CCDC93: variants seen among roughly 807,000 people sequenced by gnomAD.
CCDC93 encodes CCC complex scaffolding subunit CCDC93.
A neutral mutation model predicts 108.2 loss-of-function variants in CCDC93; 61 were observed. That is an observed-to-expected ratio of 0.56 (90% CI 0.46 to 0.70). The LOEUF is 0.70. Ranked by LOEUF, CCDC93 falls within the 30% of genes least tolerant of loss-of-function variation. The pLI, the probability that CCDC93 is intolerant of heterozygous loss-of-function variation, is 0.00. For synonymous variants in CCDC93, 276 were observed against 260.4 expected, an observed-to-expected ratio of 1.06 and a Z score of -0.58; for missense variants, 685 against 764.2, an observed-to-expected ratio of 0.90 and a Z score of 1.22.
At chr2:117,967,961 T>TAATG (rs1679642032) in intron 11 of CCDC93, among the ~76,000 whole-genome samples, 1 of 152,172 alleles carries the variant, frequency 6.6e-6, no homozygotes, top group African/African-American at 2.4e-5. Context: ...CTAAATGAGA[T>TAATG]AATGGTACAC....
At position 118,012,787 on chromosome 2, in the gene CCDC93, G is replaced by GCA. The variant is rs753332263; in HGVS notation, c.42+1165_42+1166dup. On this transcript the variant is annotated intron_variant, in intron 1 of 23. Coordinates refer to ENST00000376300, the MANE Select transcript of CCDC93 (RefSeq NM_019044.5). ...AACAAAATGGACTTGCATTCGGGGA[G>GCA]CACACACTGACAAACAAATCTGTCC... 3 of 152,208 alleles carry GCA rather than the reference G, an allele frequency of 2.0e-5. No homozygotes were observed. In the East Asian group the frequency reaches 5.8e-4, roughly 29 times the overall value. 9.4% of individuals were successfully genotyped at this position (152,208 alleles called of 1,614,324 possible).
At chr2:117,978,161 G>C in intron 7 of CCDC93, 131 bp from the exon 8 acceptor site, 1 of 773,310 alleles carries the variant, frequency 1.3e-6, no homozygotes, top group Non-Finnish European at 2.2e-6. Flanking sequence ...TTGAGAAAAC[G>C]TTACAAGTGC....
At chr2:117,925,189 G>A (rs1678034372) in intron 23 of CCDC93, among the ~76,000 whole-genome samples, 3 of 152,320 alleles carry the variant, frequency 2.0e-5, no homozygotes, top group Middle Eastern at 6.8e-3. Context: ...AAAGACCATT[G>A]AGGCTAGGAA....
At chr2:118,013,226 CTAAG>C (rs948696579) in intron 1 of CCDC93, among the ~76,000 whole-genome samples, 5 of 152,382 alleles carry the variant, frequency 3.3e-5, no homozygotes, top group Non-Finnish European at 5.9e-5. Flanking sequence ...CTCCCTAGCA[CTAAG>C]TGAGTACTTA....
At chr2:117,929,662 A>T (rs1678259532) in intron 23 of CCDC93, among the ~76,000 whole-genome samples, 1 of 152,232 alleles carries the variant, frequency 6.6e-6, no homozygotes, top group Non-Finnish European at 1.5e-5. Context: ...GATTAAAGGG[A>T]ACGAGGAGCT....
chr2:117,946,205 C>T (rs916887517), intron 16 of CCDC93, among the ~76,000 whole-genome samples: 4 of 152,190 alleles, frequency 2.6e-5, no homozygotes, highest in African/African-American at 7.2e-5. Context: ...TGCGGTCTGG[C>T]GTGGGGTGGC....
intron 19 of CCDC93, among the ~76,000 whole-genome samples, chr2:117,939,493 A>G (rs1678630398): frequency 6.6e-6 from 1 of 152,222 alleles, no homozygotes; most frequent in Admixed American, 6.5e-5. Context: ...ACATGTCTTT[A>G]TCAGATGATT....
chr2:117,958,288 C>A, intron 12 of CCDC93, 77 bp downstream of exon 12: 1 of 931,854 alleles, frequency 1.1e-6, no homozygotes, highest in Non-Finnish European at 1.8e-6. Context: ...CACAGTATGC[C>A]AACCCCCGTT....
rs1052339489 is a variant in CCDC93 at position 117,931,446 on chromosome 2, C to T, written c.1729-296G>A. 15 of 300,876 alleles carry T rather than the reference C, an allele frequency of 5.0e-5. No homozygotes were observed. In the Admixed American group the frequency reaches 6.9e-4, roughly 14 times the overall value. The allele number at this position is 300,876 out of a possible 1,614,324, so 18.6% of individuals were successfully genotyped here. On this transcript the variant is annotated intron_variant, in intron 22 of 23. Transcript: ENST00000376300. ...ACTAGGAGCTATTTTGCCCCCCATCCCCCACCCGGCAGTGTCTGGAGACAG... is the reference window on the plus strand; with the variant it reads ...ACTAGGAGCTATTTTGCCCCCCATCTCCCACCCGGCAGTGTCTGGAGACAG...
rs368218819 is a variant in CCDC93 at position 117,996,367 on chromosome 2, G to T, written c.364-5C>A. 3.1e-6 allele frequency: 5 copies of T among 1,603,422 alleles called. No individual in the cohort carries two copies. The highest frequency in any genetic ancestry group is 3.4e-6 in the Non-Finnish European group (4 of 1,170,468). The stretch of plus-strand genomic sequence containing the variant: ...TATAGCTCGTTTCACCAGCCACTGG[G>T]GAAGAAAGTGAAAAGACAAGAGTTG... On this transcript the variant is annotated splice_region_variant and splice_polypyrimidine_tract_variant and intron_variant, in intron 4 of 23. Transcript: ENST00000376300.
chr2:117,939,263 G>T (rs1678621890), intron 19 of CCDC93, 152 bp from the exon 20 acceptor site: 1 of 566,264 alleles, frequency 1.8e-6, no homozygotes, highest in African/African-American at 1.9e-5. Context: ...TGAATTGCCT[G>T]GGAAGCTTTT....
rs147705726 is a variant in CCDC93 at position 118,006,616 on chromosome 2, G to A, written c.251+106C>T. 654 of 703,484 alleles carry A rather than the reference G, an allele frequency of 9.3e-4. 4 individuals carry two copies. The African/African-American group carries it at 0.011, about 11-fold the overall frequency. The allele number at this position is 703,484 out of a possible 1,614,324, so 43.6% of individuals were successfully genotyped here. ...AGGGATAATACCTCTTGTAATAAAA[G>A]TTAAAATAAACTATGTAAAGTGTCC... is the stretch of plus-strand genomic sequence containing the variant. On this transcript the variant is annotated intron_variant, in intron 3 of 23. Coordinates refer to ENST00000376300, the MANE Select transcript of CCDC93 (RefSeq NM_019044.5).
In CCDC93 at chr2:117,945,018, T is replaced by C. The variant is rs1043626218; in HGVS notation, c.1350+511A>G. Among the ~76,000 whole-genome samples, 12 of 152,374 alleles carry C rather than the reference T, an allele frequency of 7.9e-5. No individual in the cohort carries two copies. The South Asian group carries it at 2.1e-3, about 26-fold the overall frequency. ...GCCAAATATGCCTTGTGGCCCATTTTTGTAAATAAAGTTTTATTGGAACAC... is the reference window on the plus strand; with the variant it reads ...GCCAAATATGCCTTGTGGCCCATTTCTGTAAATAAAGTTTTATTGGAACAC... On this transcript the variant is annotated intron_variant, in intron 17 of 23. Coordinates refer to ENST00000376300, the MANE Select transcript of CCDC93 (RefSeq NM_019044.5).
Position 117,920,014 on chromosome 2 carries a change from T to G in CCDC93, c.*329A>C, listed in dbSNP as rs1677806635. 1 of 198,374 alleles carries G rather than the reference T, an allele frequency of 5.0e-6. No individual in the cohort carries two copies. The highest frequency in any genetic ancestry group is 1.7e-4 in the South Asian group (1 of 5,956). The allele number at this position is 198,374 out of a possible 1,614,324, so 12.3% of individuals were successfully genotyped here. ...TAATACTTGCTAAACAAATGAATTC[T>G]TCTTTATTCAGAGTCCATACAAATA... On this transcript the variant is annotated 3_prime_UTR_variant, in exon 24 of 24. Transcript: ENST00000376300.
chr2:117,941,402 C>CG (rs1678696876), intron 18 of CCDC93, 105 bp from the exon 19 acceptor site: 1 of 799,524 alleles, frequency 1.3e-6, no homozygotes, highest in Non-Finnish European at 2.1e-6. Flanking sequence ...CCCAACCATG[C>CG]GCCCTACAAT....
At chr2:117,921,122 A>G (rs1677851349) in intron 23 of CCDC93, among the ~76,000 whole-genome samples, 1 of 148,466 alleles carries the variant, frequency 6.7e-6, no homozygotes, top group Non-Finnish European at 1.5e-5. Flanking sequence ...GCTTGCAGTG[A>G]GCCGAGATTG....
At chr2:117,950,787 G>C in intron 13 of CCDC93, 1 of 985,370 alleles carries the variant, frequency 1.0e-6, no homozygotes, top group Non-Finnish European at 1.2e-6. Flanking sequence ...TTCTAGATGG[G>C]AATTAGTCTG....
chr2:117,958,774 G>A (rs1162406925), intron 11 of CCDC93, among the ~76,000 whole-genome samples: 1 of 152,164 alleles, frequency 6.6e-6, no homozygotes, highest in African/African-American at 2.4e-5. Flanking sequence ...TCATCAAAAA[G>A]TCTTAAATAG....
chr2:117,961,697 C>T (rs1444835745), intron 11 of CCDC93, among the ~76,000 whole-genome samples: 1 of 151,952 alleles, frequency 6.6e-6, no homozygotes, highest in Admixed American at 6.6e-5. Flanking sequence ...CTGAGAGATA[C>T]GATGAGAAAG....
Sources: allele counts gnomAD v4.1 joint callset (sites outside exome capture counted in the v4.1 genomes callset), GRCh38; gene constraint gnomAD v4.1.1; transcripts MANE v1.5; gene names NCBI Gene and HGNC (gene_info 2026-07-23, HGNC 2026-07-21).